ZFPM2: variants seen among roughly 807,000 people sequenced by gnomAD.
ZFPM2 encodes the protein zinc finger protein, FOG family member 2.
In ZFPM2, 20 loss-of-function variants were observed where a neutral mutation model predicts 98.6. That is an observed-to-expected ratio of 0.20 (90% CI 0.14 to 0.29). The LOEUF (loss-of-function observed/expected upper bound fraction) is 0.29. Among genes scored for constraint, ZFPM2 ranks in the 10% least tolerant of loss-of-function variants. ZFPM2 has a pLI of 1.00. For synonymous variants in ZFPM2, 518 were observed against 502.7 expected (o/e 1.03, Z -0.41); for missense variants, 1,310 against 1,388.6 (o/e 0.94, Z 0.90).
At chr8:105,678,181 T>C (rs1810512829) in intron 5 of ZFPM2, among the ~76,000 whole-genome samples, 1 of 152,156 alleles carries the variant, frequency 6.6e-6, no homozygotes, top group Non-Finnish European at 1.5e-5. Flanking sequence ...AGAAGCAGTG[T>C]TTCTCAAGTA....
intron 1 of ZFPM2, among the ~76,000 whole-genome samples, chr8:105,353,579 A>C (rs1192853126): frequency 1.2e-4 from 18 of 152,058 alleles, no homozygotes; most frequent in Admixed American, 8.5e-4. Flanking sequence ...TGACTCTTTT[A>C]TTTTTTGGCT....
chr8:105,738,091 G>T (rs775452977), intron 5 of ZFPM2, among the ~76,000 whole-genome samples: 10 of 151,836 alleles, frequency 6.6e-5, no homozygotes, highest in Non-Finnish European at 1.2e-4. Context: ...TGTCATGGGG[G>T]TTCGTTATAC....
At chr8:105,405,272 A>AT (rs1240633608) in intron 1 of ZFPM2, among the ~76,000 whole-genome samples, 2 of 151,522 alleles carry the variant, frequency 1.3e-5, no homozygotes, top group South Asian at 2.1e-4. Flanking sequence ...TCTTTTTTTG[A>AT]TTTTTTTTAA....
intron 3 of ZFPM2, among the ~76,000 whole-genome samples, chr8:105,510,745 T>A (rs1261593291): frequency 1.3e-5 from 2 of 151,820 alleles, no homozygotes; most frequent in East Asian, 3.9e-4. Context: ...AATATAATAA[T>A]AAGCTGTTGG....
intron 3 of ZFPM2, among the ~76,000 whole-genome samples, chr8:105,509,540 G>T (rs1259294319): frequency 6.6e-6 from 1 of 152,090 alleles, no homozygotes; most frequent in Non-Finnish European, 1.5e-5. Context: ...TAAAGTCTTT[G>T]GTACATTGAT....
intron 2 of ZFPM2, among the ~76,000 whole-genome samples, chr8:105,438,549 AT>A (rs1348299307): frequency 6.6e-6 from 1 of 151,760 alleles, no homozygotes; most frequent in East Asian, 1.9e-4. Context: ...TTTTCTCATT[AT>A]TTTTTCTTCC....
chr8:105,701,403 TAG>T (rs1358909032), intron 5 of ZFPM2, among the ~76,000 whole-genome samples: 4 of 152,188 alleles, frequency 2.6e-5, no homozygotes, highest in Non-Finnish European at 4.4e-5. Flanking sequence ...AGTGGTGAAT[TAG>T]AGTTATTCTA....
At chr8:105,432,413 A>G (rs1310683473) in intron 2 of ZFPM2, among the ~76,000 whole-genome samples, 3 of 152,324 alleles carry the variant, frequency 2.0e-5, no homozygotes, top group Non-Finnish European at 2.9e-5. Flanking sequence ...TGCGTTCTCT[A>G]TTGGCTACTT....
chr8:105,782,248 T>C (rs1187886836), intron 5 of ZFPM2: 1 of 152,190 alleles, frequency 6.6e-6, no homozygotes, highest in Non-Finnish European at 1.5e-5. Context: ...GATGGAAGCA[T>C]AAAAAGATGC....
At chr8:105,623,869 G>A (rs1458992644) in intron 4 of ZFPM2, among the ~76,000 whole-genome samples, 3 of 152,098 alleles carry the variant, frequency 2.0e-5, no homozygotes, top group Non-Finnish European at 4.4e-5. Flanking sequence ...TCTCTAAAAG[G>A]GTTAAAATAT....
chr8:105,602,153 G>C (rs1423020595), intron 4 of ZFPM2, among the ~76,000 whole-genome samples: 1 of 152,072 alleles, frequency 6.6e-6, no homozygotes, highest in African/African-American at 2.4e-5. Context: ...AAGACTTACT[G>C]TCCCAGCATA....
chr8:105,610,538 A>G (rs1816287730), intron 4 of ZFPM2, among the ~76,000 whole-genome samples: 2 of 152,164 alleles, frequency 1.3e-5, no homozygotes, highest in Non-Finnish European at 1.5e-5. Context: ...TAACAATGCT[A>G]GAGGAGAAAT....
At chr8:105,799,652 TATC>T (rs1384493067) in intron 7 of ZFPM2, among the ~76,000 whole-genome samples, 11 of 152,214 alleles carry the variant, frequency 7.2e-5, no homozygotes, top group Admixed American at 6.5e-4. Flanking sequence ...GCATTCTAAT[TATC>T]ATATTTTTTA....
intron 1 of ZFPM2, among the ~76,000 whole-genome samples, chr8:105,344,722 A>G (rs1371210991): frequency 1.3e-5 from 2 of 152,052 alleles, no homozygotes; most frequent in African/African-American, 2.4e-5. Flanking sequence ...TAACATTTAT[A>G]TATATGCTAT....
In ZFPM2 at chr8:105,596,148, T is replaced by A. The variant is rs571813358; in HGVS notation, c.420+34667T>A. On this transcript the variant is annotated intron_variant, in intron 4 of 7. Coordinates refer to ENST00000407775, the MANE Select transcript of ZFPM2 (RefSeq NM_012082.4). The stretch of plus-strand genomic sequence containing the variant: ...GCAAATGGTAGTATCCATATCAAAA[T>A]GGAAGAGCAGGTTGTAAGTTGTGTG... Among the ~76,000 whole-genome samples the A allele has an allele frequency of 5.2e-4, 79 of 152,168 alleles. No homozygotes were observed. The South Asian group carries it at 0.016, about 31-fold the overall frequency.
At chr8:105,653,206 AGTTAC>A (rs2130872244) in intron 5 of ZFPM2, among the ~76,000 whole-genome samples, 1 of 152,352 alleles carries the variant, frequency 6.6e-6, no homozygotes, top group African/African-American at 2.4e-5. Context: ...TCACTGTTTA[AGTTAC>A]CTATCTCAGG....
At chr8:105,643,277 A>G (rs149893034) in intron 5 of ZFPM2, among the ~76,000 whole-genome samples, 63 of 152,288 alleles carry the variant, frequency 4.1e-4, no homozygotes, top group African/African-American at 1.4e-3. Flanking sequence ...ACAATTTTTC[A>G]ACACCAAATG....
chr8:105,490,815 T>C (rs1174080341), intron 3 of ZFPM2, among the ~76,000 whole-genome samples: 2 of 152,172 alleles, frequency 1.3e-5, no homozygotes, highest in African/African-American at 2.4e-5. Flanking sequence ...TAAAATGATG[T>C]GTACAAAATA....
chr8:105,505,127 A>G (rs1813673234), intron 3 of ZFPM2, among the ~76,000 whole-genome samples: 1 of 152,110 alleles, frequency 6.6e-6, no homozygotes, highest in Admixed American at 6.6e-5. Flanking sequence ...CCATTACTTC[A>G]GTTCTCTGAG....
Sources: gnomAD v4.1 joint callset for allele counts (sites outside exome capture counted in the v4.1 genomes callset) on GRCh38, gnomAD v4.1.1 for gene constraint, MANE v1.5 for transcripts, NCBI Gene and HGNC (gene_info 2026-07-23, HGNC 2026-07-21) for gene names.